PNPLA6: variants seen among roughly 807,000 people sequenced by gnomAD.
PNPLA6 encodes the protein patatin-like phospholipase domain-containing protein 6.
In PNPLA6, 105 loss-of-function variants were observed where a neutral mutation model predicts 153.7. The ratio of observed to expected loss-of-function variants is 0.68; its 90% CI spans 0.58 to 0.80. The LOEUF (loss-of-function observed/expected upper bound fraction) is 0.80. Ranked by LOEUF, PNPLA6 falls within the 30% of genes least tolerant of loss-of-function variation. The probability of loss-of-function intolerance (pLI) is 0.00; values close to 1 mark genes in which losing one functional copy is unlikely to be tolerated. For synonymous variants in PNPLA6, 825 were observed against 822.2 expected, an observed-to-expected ratio of 1.00 and a Z score of -0.06; for missense variants, 1,423 against 1,919.3, an observed-to-expected ratio of 0.74 and a Z score of 4.83.
In PNPLA6 at chr19:7,540,781, A is replaced by G; in HGVS notation, c.795+71A>G. ...CACCCAAGGGACTAGGTTGAAGGAA[A>G]TCACAGGGTCCCCAATCTCTGGTTC... On this transcript the variant is annotated intron_variant, in intron 6 of 31. Transcript: ENST00000600737. The surrounding 1 kb of genome is among the most constrained non-coding windows in gnomAD (Gnocchi z 6.8). The G allele has an allele frequency of 6.5e-7, 1 of 1,545,864 alleles. No individual in the cohort carries two copies. Among genetic ancestry groups the G allele is most frequent in the Non-Finnish European group, 8.9e-7 (1 of 1,117,904 alleles).
rs201292112 is a variant in PNPLA6 at position 7,550,965 on chromosome 19, C to A, written c.2071-29C>A. Reference sequence around the variant, plus strand: ...TCGGCCTCCTCATTCCCCACCCAAGCAGCCCCAATCATGCACGCGGCCCCC... The same window carrying A: ...TCGGCCTCCTCATTCCCCACCCAAGAAGCCCCAATCATGCACGCGGCCCCC... On this transcript the variant is annotated intron_variant, in intron 16 of 31. Coordinates refer to ENST00000600737, the MANE Select transcript of PNPLA6 (RefSeq NM_001166114.2). 481 of 1,464,286 alleles carry A rather than the reference C, an allele frequency of 3.3e-4. 2 individuals are homozygous for A. The East Asian group carries it at 9.4e-3, about 29-fold the overall frequency. The allele number at this position is 1,464,286 out of a possible 1,614,324, so 90.7% of individuals were successfully genotyped here.
chr19:7,540,425 G>T lies in PNPLA6; in HGVS notation c.714+117G>T. The T allele has an allele frequency of 8.2e-7, 1 of 1,221,774 alleles. No homozygotes were observed. The allele number at this position is 1,221,774 out of a possible 1,614,324, so 75.7% of individuals were successfully genotyped here. A position where few individuals can be genotyped will look rare whatever the true frequency, so the allele number is the denominator to read the frequency against. On this transcript the variant is annotated intron_variant, in intron 5 of 31. Coordinates refer to ENST00000600737, the MANE Select transcript of PNPLA6 (RefSeq NM_001166114.2). This position sits in a 1 kb window ranked among gnomAD's most constrained non-coding sequence, Gnocchi z 6.8. ...TGCGTCATCGGGAGTCAGGGGAACGGGTGACCGAGGACATTTGGGGTAGTC... is the reference window on the plus strand; with the variant it reads ...TGCGTCATCGGGAGTCAGGGGAACGTGTGACCGAGGACATTTGGGGTAGTC...
intron 3 of PNPLA6, among the ~76,000 whole-genome samples, chr19:7,539,394 G>A (rs554466845): frequency 4.0e-4 from 61 of 151,856 alleles, no homozygotes; most frequent in Non-Finnish European, 7.9e-4. Flanking sequence ...CAGGAGAATC[G>A]CTTTAGCCTG....
At position 7,535,995 on chromosome 19, in the gene PNPLA6, G is replaced by A. The variant is rs778920107; in HGVS notation, c.207G>A (p.Leu69=). 1.3e-5 allele frequency: 20 copies of A among 1,579,586 alleles called. No individual in the cohort carries two copies. The South Asian group carries it at 2.0e-4, about 15-fold the overall frequency. The change falls in exon 1 of 32, where the codon CTG becomes CTA. Residue 69 remains leucine (L), a synonymous_variant. Transcript: ENST00000600737. This position sits in a 1 kb window ranked among gnomAD's most constrained non-coding sequence, Gnocchi z 5.0. ...TGGTCACGGCCGTGCTCATCCTCCTGGTGGTGCGGAGGCTGCGAGTGCCAA... is the reference window on the plus strand; with the variant it reads ...TGGTCACGGCCGTGCTCATCCTCCTAGTGGTGCGGAGGCTGCGAGTGCCAA... The part of the protein sequence containing the change: ...AVVVTAVLIL[L]VVRRLRVPKT...
rs368029801 is a variant in PNPLA6 at position 7,536,513 on chromosome 19, G to A, written c.380G>A (p.Arg127Lys). 7.6e-5 allele frequency: 123 copies of A among 1,613,782 alleles called. No individual in the cohort carries two copies. The highest frequency in any genetic ancestry group is 1.0e-4 in the Non-Finnish European group (121 of 1,179,756). Residue 127 changes from arginine to lysine, a missense_variant, in exon 3 of 32, where the codon AGG becomes AAG. By Grantham distance (26) the Arg-to-Lys change is conservative. Transcript: ENST00000600737. ...TCCGCCACCTCCCGGCCACGCATGA[G>A]GAAGAAACTGAAGATGCTCAACATT... Reference protein sequence around the residue: ...SVSATSRPRMRKKLKMLNIAK... With the variant: ...SVSATSRPRMKKKLKMLNIAK...
intron 13 of PNPLA6, among the ~76,000 whole-genome samples, chr19:7,543,560 C>A (rs997406291): frequency 9.2e-5 from 14 of 152,170 alleles, no homozygotes; most frequent in African/African-American, 3.1e-4. Flanking sequence ...GAAAATGTAT[C>A]CTACCATTCT....
At position 7,555,491 on chromosome 19, in the gene PNPLA6, C is replaced by T; in HGVS notation, c.2937-116C>T. ...GGAGCTTCCCCTCCGGGAGAGACCC[C>T]GTGGGTAGGGGCGGGTCCTTTGTTC... On this transcript the variant is annotated intron_variant, in intron 23 of 31. Coordinates refer to ENST00000600737, the MANE Select transcript of PNPLA6 (RefSeq NM_001166114.2). The surrounding 1 kb of genome is among the most constrained non-coding windows in gnomAD (Gnocchi z 6.3). 5 of 1,385,040 alleles carry T rather than the reference C, an allele frequency of 3.6e-6. No individual in the cohort carries two copies. The highest frequency in any genetic ancestry group is 2.4e-5 in the East Asian group (1 of 41,104). 85.8% of individuals were successfully genotyped at this position (1,385,040 alleles called of 1,614,324 possible).
intron 13 of PNPLA6, among the ~76,000 whole-genome samples, chr19:7,549,255 T>C (rs12460386): frequency 0.68 from 98,466 of 145,522 alleles, 33,800 homozygotes; most frequent in South Asian, 0.78. Context: ...GGCGCGATCT[T>C]GGCTCATTGC....
chr19:7,536,926 C>CAAAAAAA (rs56310906), intron 3 of PNPLA6, among the ~76,000 whole-genome samples: 5 of 53,962 alleles, frequency 9.3e-5, no homozygotes, highest in Admixed American at 2.1e-4. Context: ...GACTCTGTCT[C>CAAAAAAA]AAAAAAAAAA....
Position 7,557,272 on chromosome 19 carries a change from A to G in PNPLA6, c.3385A>G (p.Asn1129Asp). ...CCTACTCATGGATGGCGGCTACATCAACAATCTGCCAGGCAAGTGGCCGCC... is the reference window on the plus strand; with the variant it reads ...CCTACTCATGGATGGCGGCTACATCGACAATCTGCCAGGCAAGTGGCCGCC... Reference protein sequence around the residue: ...GHLLMDGGYINNLPADIARSM... With the variant: ...GHLLMDGGYIDNLPADIARSM... Residue 1129 changes from asparagine (N) to aspartate (D), a missense_variant, in exon 27 of 32, where the codon AAC (asparagine) becomes GAC (aspartate). Transcript: ENST00000600737. The G allele has an allele frequency of 6.2e-7, 1 of 1,610,054 alleles. No homozygotes were observed. The highest frequency in any genetic ancestry group is 1.1e-5 in the South Asian group (1 of 91,026).
chr19:7,543,137 C>T (rs768276522), intron 13 of PNPLA6, 53 bp downstream of exon 13: 2 of 1,443,684 alleles, frequency 1.4e-6, no homozygotes, highest in Non-Finnish European at 1.9e-6. Flanking sequence ...TTCCCTATGA[C>T]TTCTGTGACC....
At chr19:7,551,231 G>A in intron 17 of PNPLA6, 124 bp downstream of exon 17, 2 of 1,035,778 alleles carry the variant, frequency 1.9e-6, no homozygotes, top group Non-Finnish European at 2.9e-6. Flanking sequence ...AAGCGAGAGA[G>A]TGAGGGCGGG....
rs1354702717 is a variant in PNPLA6, at chr19:7,554,258, C to T, written c.2451C>T (p.Ala817=). Residue 817 remains alanine (A), a synonymous_variant, in exon 20 of 32, where the codon GCC becomes GCT. Transcript: ENST00000600737. The stretch of plus-strand genomic sequence containing the variant: ...ACATCATCCGGGCACGCCTGGGGGC[C>T]TCCGCACTGGATAGGTGTGTGTTGC... The part of the protein sequence containing the change: ...NSDIIRARLG[A]SALDSIQEFR... 3 of 1,613,776 alleles carry T rather than the reference C, an allele frequency of 1.9e-6. No individual in the cohort carries two copies. The highest frequency in any genetic ancestry group is 2.5e-6 in the Non-Finnish European group (3 of 1,179,854).
rs577280105 is a variant in PNPLA6 at position 7,544,035 on chromosome 19, G to A, written c.1608+951G>A. 3.3e-5 allele frequency among the ~76,000 whole-genome samples: 5 copies of A among 151,620 alleles called. No individual in the cohort carries two copies. The South Asian group carries it at 8.3e-4, about 25-fold the overall frequency. On this transcript the variant is annotated intron_variant, in intron 13 of 31. Coordinates refer to ENST00000600737, the MANE Select transcript of PNPLA6 (RefSeq NM_001166114.2). ...TCACTGTGTTAGCCAGGGTGGTCTC[G>A]ATCTCCTGACCTCGTGATCCGCCCG... is the stretch of plus-strand genomic sequence containing the variant.
chr19:7,557,464 C>T (rs2023932632), intron 27 of PNPLA6, 180 bp downstream of exon 27: 7 of 664,970 alleles, frequency 1.1e-5, no homozygotes, highest in Non-Finnish European at 1.9e-5. Flanking sequence ...ATGAATGTGC[C>T]TGTGGACAGC....
chr19:7,535,483 G>A, upstream of PNPLA6: 1 of 1,516,478 alleles, frequency 6.6e-7, no homozygotes, highest in Non-Finnish European at 9.0e-7. This position sits in a 1 kb window ranked among gnomAD's most constrained non-coding sequence, Gnocchi z 5.0. Context: ...ACTTGCACGG[G>A]TTCCTTCGAC....
Position 7,540,078 on chromosome 19 carries a change from TG to T in PNPLA6, c.554+25del. 6.2e-6 allele frequency: 10 copies of T among 1,613,832 alleles called. No homozygotes were observed. Among genetic ancestry groups the T allele is most frequent in the Non-Finnish European group, 8.5e-6 (10 of 1,179,936 alleles). ...CGTCCGGTCAGTGTTGGGGTGCAGGTGGGGGTGGAGGGCTGCAGACGTGGGG... is the reference window on the plus strand; with the variant it reads ...CGTCCGGTCAGTGTTGGGGTGCAGGTGGGGTGGAGGGCTGCAGACGTGGGG... On this transcript the variant is annotated intron_variant, in intron 4 of 31. Transcript: ENST00000600737. This position sits in a 1 kb window ranked among gnomAD's most constrained non-coding sequence, Gnocchi z 6.8.
At chr19:7,543,813 CT>C (rs59936834) in intron 13 of PNPLA6, among the ~76,000 whole-genome samples, 2,430 of 142,120 alleles carry the variant, frequency 0.017, 44 homozygotes, top group African/African-American at 0.053. Context: ...TCTTTTTTTT[CT>C]TTTTTTTTTT....
At chr19:7,538,041 T>A (rs1312606169) in intron 3 of PNPLA6, among the ~76,000 whole-genome samples, 1 of 152,180 alleles carries the variant, frequency 6.6e-6, no homozygotes, top group Non-Finnish European at 1.5e-5. Flanking sequence ...ACAGGAGCTG[T>A]CTGTAGTGTT....
Sources: allele counts gnomAD v4.1 joint callset (sites outside exome capture counted in the v4.1 genomes callset), GRCh38; gene constraint gnomAD v4.1.1; non-coding constraint Gnocchi (gnomAD v3.1); transcripts MANE v1.5; gene names NCBI Gene and HGNC (gene_info 2026-07-23, HGNC 2026-07-21).